RHBDF1: variants seen among roughly 807,000 people sequenced by gnomAD.
RHBDF1 encodes rhomboid 5 homolog 1.
In RHBDF1, 80 loss-of-function variants were observed where a neutral mutation model predicts 98.6. That is an observed-to-expected ratio of 0.81 (90% confidence interval 0.68 to 0.98). The LOEUF (loss-of-function observed/expected upper bound fraction) is 0.98, where lower values mean the gene tolerates loss of function less well. RHBDF1 is among the 50% of genes least tolerant of loss of function. The pLI is 0.00. For synonymous variants in RHBDF1, 512 were observed against 486.8 expected, an observed-to-expected ratio of 1.05 and a Z score of -0.68; for missense variants, 1,116 against 1,198.3, an observed-to-expected ratio of 0.93 and a Z score of 1.01.
rs1596462016 is a variant in RHBDF1, at chr16:58,105, A to G, written c.*235T>C. On this transcript the variant is annotated 3_prime_UTR_variant, in exon 18 of 18. Transcript: ENST00000262316. ...CGCTCCCAGTCCATTTATTGGCCAC[A>G]TGAGGTGGTCGTCAAGAAACAAGTT... 6 of 493,808 alleles carry G rather than the reference A, an allele frequency of 1.2e-5. No individual in the cohort carries two copies. The highest frequency in any genetic ancestry group is 3.4e-5 in the East Asian group (1 of 29,820). The allele number at this position is 493,808 out of a possible 1,614,324, so 30.6% of individuals were successfully genotyped here.
rs116899409 is a variant in RHBDF1, at chr16:67,989, G to T, written c.-24-2950C>A. ...ACTGTTTCGGCCGGGGACCACAGCCGGCCCCAGGAACCTCCCCAGGACTGT... is the reference window on the plus strand; with the variant it reads ...ACTGTTTCGGCCGGGGACCACAGCCTGCCCCAGGAACCTCCCCAGGACTGT... On this transcript the variant is annotated intron_variant, in intron 1 of 17. Transcript: ENST00000262316. Among the ~76,000 whole-genome samples the T allele has an allele frequency of 3.3e-3, 499 of 152,030 alleles. 1 individual carries two copies. The highest frequency in any genetic ancestry group is 4.5e-3 in the Non-Finnish European group (303 of 67,962).
intron 16 of RHBDF1, 23 bp from the exon 17 acceptor site, chr16:59,150 G>A (rs1177368097): frequency 1.9e-6 from 3 of 1,608,372 alleles, no homozygotes; most frequent in Admixed American, 1.7e-5. Context: ...GCAGGCGGGG[G>A]TCGGGAGACA....
chr16:72,669 C>A, upstream of RHBDF1: 1 of 980,814 alleles, frequency 1.0e-6, no homozygotes, highest in Non-Finnish European at 1.2e-6. Context: ...GCGGGCCCGG[C>A]CGGAGCGGGG....
In RHBDF1 at chr16:58,648, C is replaced by T. The variant is rs751523796; in HGVS notation, c.2260G>A (p.Val754Met). The change falls in exon 18 of 18, where the codon GTG becomes ATG. Residue 754 changes from valine to methionine, a missense_variant. Transcript: ENST00000262316. ...CCAAAGGTGAAGAGGAAGAGCACCA[C>T]AGCCAGCAGCTTGAAGAAGGCACGC... Reference protein sequence around the residue: ...PWRAFFKLLAVVLFLFTFGLL... With the variant: ...PWRAFFKLLAMVLFLFTFGLL... The T allele has an allele frequency of 1.9e-6, 3 of 1,613,438 alleles. No homozygotes were observed. Among genetic ancestry groups the T allele is most frequent in the Non-Finnish European group, 2.5e-6 (3 of 1,180,038 alleles).
intron 3 of RHBDF1, 41 bp from the exon 4 acceptor site, chr16:63,841 C>G (rs765819617): frequency 6.4e-7 from 1 of 1,572,968 alleles, no homozygotes; most frequent in African/African-American, 1.4e-5. Context: ...CCAGATCGCC[C>G]CTCCCAGGCA....
At chr16:75,536 G>A (rs1000087335), upstream of RHBDF1, among the ~76,000 whole-genome samples, 20 of 152,212 alleles carry the variant, frequency 1.3e-4, no homozygotes, top group African/African-American at 2.4e-4. Flanking sequence ...AGGGGGCCAG[G>A]CCAGCCAGTG....
chr16:68,883 A>T (rs972203592), intron 1 of RHBDF1, among the ~76,000 whole-genome samples: 2 of 152,200 alleles, frequency 1.3e-5, no homozygotes, highest in African/African-American at 2.4e-5. Context: ...AGAGCCAGAA[A>T]GCAGGAGCCG....
Position 58,112 on chromosome 16 carries a change from G to A in RHBDF1, c.*228C>T. 1 of 503,048 alleles carries A rather than the reference G, an allele frequency of 2.0e-6. No homozygotes were observed. The highest frequency in any genetic ancestry group is 3.3e-5 in the East Asian group (1 of 30,674). 31.2% of individuals were successfully genotyped at this position (503,048 alleles called of 1,614,324 possible). A position where few individuals can be genotyped will look rare whatever the true frequency, so the allele number is the denominator to read the frequency against. ...AGTCCATTTATTGGCCACATGAGGTGGTCGTCAAGAAACAAGTTAGAAGGT... is the reference window on the plus strand; with the variant it reads ...AGTCCATTTATTGGCCACATGAGGTAGTCGTCAAGAAACAAGTTAGAAGGT... On this transcript the variant is annotated 3_prime_UTR_variant, in exon 18 of 18. Coordinates refer to ENST00000262316, the MANE Select transcript of RHBDF1 (RefSeq NM_022450.5).
chr16:73,714 C>T (rs1898034849), upstream of RHBDF1, among the ~76,000 whole-genome samples: 1 of 149,496 alleles, frequency 6.7e-6, no homozygotes, highest in African/African-American at 2.4e-5. Context: ...CTACAGGGTG[C>T]CCCCCCATGC....
At chr16:59,897 T>C (rs1336559834) in intron 13 of RHBDF1, 71 bp from the exon 14 acceptor site, 1 of 1,607,332 alleles carries the variant, frequency 6.2e-7, no homozygotes. Context: ...CGTTTGGGGG[T>C]AGAGGCAAAG....
chr16:60,912 G>C (rs1291759652), intron 11 of RHBDF1: 1 of 609,048 alleles, frequency 1.6e-6, no homozygotes, highest in East Asian at 2.9e-5. Context: ...CAAATCAAAA[G>C]ACCAAATCAG....
chr16:67,765 C>A (rs758200170), intron 1 of RHBDF1, among the ~76,000 whole-genome samples: 1 of 152,204 alleles, frequency 6.6e-6, no homozygotes, highest in Non-Finnish European at 1.5e-5. Flanking sequence ...CTGAAGCCAC[C>A]GCTGGGTAGG....
In RHBDF1 at chr16:63,580, G is replaced by A. The variant is rs768224085; in HGVS notation, c.462+7C>T. On this transcript the variant is annotated splice_region_variant and intron_variant, in intron 4 of 17. Transcript: ENST00000262316. ...GGCCTGCAGGAGGCAGCAACAGGCA[G>A]GCATACCTTCTGCATGCCCAGCTGG... 4 of 1,541,534 alleles carry A rather than the reference G, an allele frequency of 2.6e-6. No individual in the cohort carries two copies. The South Asian group carries it at 4.9e-5, about 19-fold the overall frequency.
chr16:64,144 G>A, intron 3 of RHBDF1: 1 of 791,168 alleles, frequency 1.3e-6, no homozygotes, highest in Non-Finnish European at 1.9e-6. Flanking sequence ...GGACACCACA[G>A]AGCTCAGACA....
Position 61,224 on chromosome 16 carries a change from C to A in RHBDF1, c.1453G>T (p.Val485Leu). The A allele has an allele frequency of 6.5e-7, 1 of 1,546,238 alleles. No homozygotes were observed. The highest frequency in any genetic ancestry group is 1.4e-5 in the African/African-American group (1 of 73,110). ...CGCGCCGAGCGAATGAAGCTGTGCA[C>A]CTGCGGGTCCTGGCGCATGCAGGGC... The part of the protein sequence containing the change: ...FSPCMRQDPQ[V>L]HSFIRSARER... The change falls in exon 11 of 18, where the codon GTG (valine) becomes TTG (leucine). Residue 485 changes from valine (V) to leucine (L), a missense_variant. Coordinates refer to ENST00000262316, the MANE Select transcript of RHBDF1 (RefSeq NM_022450.5).
At chr16:74,452 G>C (rs1338705741), upstream of RHBDF1, among the ~76,000 whole-genome samples, 1 of 152,126 alleles carries the variant, frequency 6.6e-6, no homozygotes, top group Admixed American at 6.5e-5. Context: ...ATCGCCAGCT[G>C]CCAGGAGCAC....
upstream of RHBDF1, chr16:74,033 A>C: frequency 1.4e-6 from 1 of 707,482 alleles, no homozygotes; most frequent in Non-Finnish European, 1.7e-6. Flanking sequence ...TATCAACACA[A>C]TTCTCATGTA....
chr16:76,045 G>A (rs1898081470), upstream of RHBDF1, among the ~76,000 whole-genome samples: 1 of 152,214 alleles, frequency 6.6e-6, no homozygotes, highest in Admixed American at 6.5e-5. Flanking sequence ...GGCAGCTCCA[G>A]CCCCTCCACA....
chr16:61,847 G>T lies in RHBDF1; in HGVS notation c.1159C>A (p.Arg387Ser). Reference sequence around the variant, plus strand: ...TGGCGCTTGACGAAGCTGTCGATGCGCTTGCGGTAGGTGCGGTTGGTGAGC... The same window carrying T: ...TGGCGCTTGACGAAGCTGTCGATGCTCTTGCGGTAGGTGCGGTTGGTGAGC... ...GRLTNRTYRK[R>S]IDSFVKRQIE... The change falls in exon 8 of 18, where the codon CGC (arginine) becomes AGC (serine). Residue 387 changes from arginine (R) to serine (S), a missense_variant. Transcript: ENST00000262316. The T allele has an allele frequency of 6.2e-7, 1 of 1,611,976 alleles. No homozygotes were observed. Among genetic ancestry groups the T allele is most frequent in the Non-Finnish European group, 8.5e-7 (1 of 1,179,800 alleles).
Sources: gnomAD v4.1 joint callset for allele counts (sites outside exome capture counted in the v4.1 genomes callset) on GRCh38, gnomAD v4.1.1 for gene constraint, MANE v1.5 for transcripts, NCBI Gene and HGNC (gene_info 2026-07-23, HGNC 2026-07-21) for gene names.